The following NRXN1 variants were observed in gnomAD, a reference collection of about 807,000 sequenced individuals.
NRXN1 encodes the protein neurexin-1.
In NRXN1, 39 loss-of-function variants were observed where a neutral mutation model predicts 150.9. The ratio of observed to expected loss-of-function variants is 0.26; its 90% CI spans 0.20 to 0.34. The LOEUF is 0.34. Among genes scored for constraint, NRXN1 ranks in the 10% least tolerant of loss-of-function variants. The pLI is 1.00. For synonymous variants in NRXN1, 924 were observed against 757.0 expected (o/e 1.22, Z -3.62); for missense variants, 1,815 against 1,949.9 (o/e 0.93, Z 1.30).
At chr2:50,531,984 C>T (rs1203026047) in intron 10 of NRXN1, among the ~76,000 whole-genome samples, 1 of 151,962 alleles carries the variant, frequency 6.6e-6, no homozygotes. Flanking sequence ...TAGCTGGGAC[C>T]ACAGGCGCAT....
chr2:50,538,772 T>C (rs1558903439), intron 9 of NRXN1, 136 bp from the exon 10 acceptor site: 2 of 692,814 alleles, frequency 2.9e-6, no homozygotes, highest in Non-Finnish European at 4.2e-6. Flanking sequence ...TCCTCACTTT[T>C]TGGTATTTCC....
intron 2 of NRXN1, among the ~76,000 whole-genome samples, chr2:50,973,491 T>C (rs1042648581): frequency 6.6e-6 from 1 of 152,204 alleles, no homozygotes; most frequent in African/African-American, 2.4e-5. Flanking sequence ...TACACAGTCC[T>C]TCTTGCTCTT....
intron 2 of NRXN1, among the ~76,000 whole-genome samples, chr2:51,018,692 G>A (rs1336619350): frequency 6.6e-6 from 1 of 152,040 alleles, no homozygotes; most frequent in Non-Finnish European, 1.5e-5. Flanking sequence ...GACTGAGCTA[G>A]TTCTTTATAT....
At chr2:50,506,892 T>C (rs1169704129) in intron 12 of NRXN1, 2 of 366,446 alleles carry the variant, frequency 5.5e-6, no homozygotes, top group East Asian at 4.4e-5. Flanking sequence ...ATCCTACGCA[T>C]TGATCCATAA....
intron 5 of NRXN1, among the ~76,000 whole-genome samples, chr2:50,712,795 G>C (rs756274889): frequency 6.6e-6 from 1 of 152,104 alleles, no homozygotes; most frequent in African/African-American, 2.4e-5. Flanking sequence ...CTTCATCCCA[G>C]GGTGCCAACC....
intron 2 of NRXN1, among the ~76,000 whole-genome samples, chr2:50,985,913 T>C (rs979126104): frequency 6.6e-6 from 1 of 151,644 alleles, no homozygotes; most frequent in Non-Finnish European, 1.5e-5. Context: ...CTAGATTATA[T>C]AAAAAGATTC....
chr2:50,711,923 G>A (rs1259202876), intron 5 of NRXN1, among the ~76,000 whole-genome samples: 1 of 152,004 alleles, frequency 6.6e-6, no homozygotes, highest in South Asian at 2.1e-4. Flanking sequence ...GACACCAGAC[G>A]CCGGCACCTT....
chr2:50,912,033 A>T (rs1684598314), intron 5 of NRXN1, among the ~76,000 whole-genome samples: 1 of 151,922 alleles, frequency 6.6e-6, no homozygotes, highest in African/African-American at 2.4e-5. Context: ...TATCAAAAAA[A>T]GTCTTTCAAT....
chr2:50,307,077 C>T (rs560226546), intron 17 of NRXN1, among the ~76,000 whole-genome samples: 12 of 152,078 alleles, frequency 7.9e-5, no homozygotes, highest in Admixed American at 4.6e-4. Context: ...CTCTGCCTCC[C>T]GGGTTCAAGC....
chr2:50,243,715 C>G (rs1407136621), intron 17 of NRXN1, among the ~76,000 whole-genome samples: 1 of 151,734 alleles, frequency 6.6e-6, no homozygotes, highest in Non-Finnish European at 1.5e-5. Context: ...TTAAGGTTTT[C>G]CAAATTTTTA....
intron 17 of NRXN1, among the ~76,000 whole-genome samples, chr2:50,263,397 G>A (rs1194982106): frequency 3.3e-5 from 5 of 152,072 alleles, no homozygotes; most frequent in South Asian, 2.1e-4. Flanking sequence ...AATGGACTTA[G>A]GGCAATCTCC....
At chr2:50,398,273 T>C (rs1411589162) in intron 17 of NRXN1, among the ~76,000 whole-genome samples, 1 of 152,150 alleles carries the variant, frequency 6.6e-6, no homozygotes, top group Non-Finnish European at 1.5e-5. Flanking sequence ...AATTTTAAAA[T>C]TTCTCCCTCT....
chr2:50,204,792 C>T (rs373172938), intron 18 of NRXN1, among the ~76,000 whole-genome samples: 1 of 151,032 alleles, frequency 6.6e-6, no homozygotes, highest in African/African-American at 2.4e-5. Flanking sequence ...AACCAAATGG[C>T]AAGCCAATTA....
At chr2:50,786,264 T>C (rs1157900317) in intron 5 of NRXN1, among the ~76,000 whole-genome samples, 1 of 152,148 alleles carries the variant, frequency 6.6e-6, no homozygotes, top group Non-Finnish European at 1.5e-5. Context: ...TGTGGCATGA[T>C]GCCGTCTCTA....
intron 8 of NRXN1, among the ~76,000 whole-genome samples, chr2:50,596,199 C>T (rs1675172007): frequency 1.3e-5 from 2 of 152,206 alleles, no homozygotes; most frequent in African/African-American, 2.4e-5. Flanking sequence ...TCTTTCTCTT[C>T]TTCACCCACT....
At chr2:50,143,026 C>T (rs1455329813) in intron 18 of NRXN1, among the ~76,000 whole-genome samples, 1 of 151,732 alleles carries the variant, frequency 6.6e-6, no homozygotes, top group African/African-American at 2.4e-5. Context: ...TTATTTCCTT[C>T]TTTATGAGCC....
chr2:50,585,647 T>A (rs1478840882), intron 8 of NRXN1, among the ~76,000 whole-genome samples: 1 of 152,176 alleles, frequency 6.6e-6, no homozygotes, highest in African/African-American at 2.4e-5. Context: ...AAATAGAGGC[T>A]ATTGAAAATA....
chr2:50,264,722 G>A (rs1037425875), intron 17 of NRXN1, among the ~76,000 whole-genome samples: 4 of 152,078 alleles, frequency 2.6e-5, no homozygotes, highest in Admixed American at 1.3e-4. Context: ...TTTCTTAACA[G>A]ATTTTTGAGT....
intron 5 of NRXN1, among the ~76,000 whole-genome samples, chr2:50,874,493 A>C (rs1006504845): frequency 6.6e-6 from 1 of 151,840 alleles, no homozygotes; most frequent in Non-Finnish European, 1.5e-5. Context: ...TTTCTTCTAA[A>C]TTAACTTTGA....
Sources: allele counts gnomAD v4.1 joint callset (sites outside exome capture counted in the v4.1 genomes callset), GRCh38; gene constraint gnomAD v4.1.1; transcripts MANE v1.5; gene names NCBI Gene and HGNC (gene_info 2026-07-23, HGNC 2026-07-21).